SLIT3: variants seen among roughly 807,000 people sequenced by gnomAD.
The protein encoded by SLIT3 is slit homolog 3 protein.
A neutral mutation model predicts 184.0 loss-of-function variants in SLIT3; 68 were observed. The observed-to-expected ratio is 0.37, with a 90% CI of 0.30 to 0.45. The LOEUF (loss-of-function observed/expected upper bound fraction) is 0.45, where lower values mean the gene tolerates loss of function less well. Ranked by LOEUF, SLIT3 falls within the 20% of genes least tolerant of loss-of-function variation. The probability of loss-of-function intolerance (pLI) is 1.00; values close to 1 mark genes in which losing one functional copy is unlikely to be tolerated. For synonymous variants in SLIT3, 831 were observed against 828.6 expected (o/e 1.00, Z -0.05); for missense variants, 1,707 against 2,026.0 (o/e 0.84, Z 3.02).
intron 14 of SLIT3, chr5:168,768,077 T>C: frequency 5.1e-6 from 2 of 395,786 alleles, no homozygotes; most frequent in Non-Finnish European, 1.0e-5. Context: ...GTCTGGCAGG[T>C]GGTGGGCTGC....
rs760687339 is a variant in SLIT3 at position 169,051,132 on chromosome 5, G to T, written c.413+142347C>A. Among the ~76,000 whole-genome samples the T allele has an allele frequency of 3.5e-4, 54 of 152,172 alleles. 2 individuals are homozygous for T. The highest frequency in any genetic ancestry group is 7.3e-5 in the Non-Finnish European group (5 of 68,032). ...CTTGTTGTCAGAAGCAATAAAAGTA[G>T]ACTTTGTGGGTCCTTCAGAACCGGA... On this transcript the variant is annotated intron_variant, in intron 4 of 35. Transcript: ENST00000519560.
intron 4 of SLIT3, among the ~76,000 whole-genome samples, chr5:168,961,483 TAA>T (rs1236722924): frequency 4.6e-5 from 7 of 152,144 alleles, no homozygotes; most frequent in African/African-American, 1.7e-4. Context: ...TAACCAACAT[TAA>T]TAATACAAGC....
intron 20 of SLIT3, among the ~76,000 whole-genome samples, chr5:168,746,988 A>ATGTGTGG (rs1197654432): frequency 1.8e-5 from 1 of 56,780 alleles, no homozygotes; most frequent in Non-Finnish European, 3.6e-5. Context: ...GGTGGTGTGG[A>ATGTGTGG]TGTGTGGTGT....
intron 3 of SLIT3, among the ~76,000 whole-genome samples, chr5:169,215,717 A>G (rs1395195507): frequency 6.6e-6 from 1 of 152,228 alleles, no homozygotes; most frequent in Non-Finnish European, 1.5e-5. Context: ...GAGCTCCTAA[A>G]GATTTCCTGA....
At chr5:168,954,222 A>C (rs890008786) in intron 4 of SLIT3, among the ~76,000 whole-genome samples, 1 of 152,134 alleles carries the variant, frequency 6.6e-6, no homozygotes. Flanking sequence ...TTAGCGACAA[A>C]CTGGGAATAA....
In SLIT3 at chr5:168,753,863, C is replaced by T. The variant is rs1754801989; in HGVS notation, c.1829+1G>A. ...GCCCAGGCCCCACCCCAGGCACTCA[C>T]AAGGTTTTGAGGCCACTGAGGCCAC... On this transcript the variant is annotated splice_donor_variant, in intron 17 of 35. Transcript: ENST00000519560. LOFTEE classifies it high-confidence loss of function. 6.2e-7 allele frequency: 1 copy of T among 1,610,098 alleles called. No homozygotes were observed.
intron 4 of SLIT3, among the ~76,000 whole-genome samples, chr5:169,064,743 A>G (rs1758289916): frequency 6.6e-6 from 1 of 152,170 alleles, no homozygotes; most frequent in Non-Finnish European, 1.5e-5. Flanking sequence ...TTCCTTCAAT[A>G]TTGATTCAAT....
chr5:168,723,001 G>C lies in SLIT3; in HGVS notation c.2343C>G (p.Asp781Glu). The change falls in exon 22 of 36, where the codon GAC becomes GAG. Residue 781 changes from aspartate (D) to glutamate (E), a missense_variant. Transcript: ENST00000519560. Reference sequence around the variant, plus strand: ...GCATGCTGATGCTGTTGTTGCTCAGGTCACTAGGAAAAGTAAAACAGAGGG... The same window carrying C: ...GCATGCTGATGCTGTTGTTGCTCAGCTCACTAGGAAAAGTAAAACAGAGGG... ...LSALRHLTLIDLSNNSISMLT... is the reference protein window; with the variant it reads ...LSALRHLTLIELSNNSISMLT... 1 of 1,613,456 alleles carries C rather than the reference G, an allele frequency of 6.2e-7. No individual in the cohort carries two copies. The highest frequency in any genetic ancestry group is 8.5e-7 in the Non-Finnish European group (1 of 1,179,414).
At chr5:168,940,055 G>C (rs754337431) in intron 4 of SLIT3, among the ~76,000 whole-genome samples, 1 of 152,112 alleles carries the variant, frequency 6.6e-6, no homozygotes. Context: ...TAATACAGTC[G>C]GGGAGGATAA....
At chr5:168,946,396 G>C (rs981830376) in intron 4 of SLIT3, among the ~76,000 whole-genome samples, 4 of 152,206 alleles carry the variant, frequency 2.6e-5, no homozygotes, top group African/African-American at 9.7e-5. Flanking sequence ...CATTGGGCTG[G>C]AGACATTGGG....
rs552281527 is a variant in SLIT3 at position 169,112,559 on chromosome 5, G to A, written c.413+80920C>T. ...GGTCACTAATAGTGTGAGCTTGGGC[G>A]AGTGACTTTACCTCATTTTTGCCCC... On this transcript the variant is annotated intron_variant, in intron 4 of 35. Coordinates refer to ENST00000519560, the MANE Select transcript of SLIT3 (RefSeq NM_003062.4). Among the ~76,000 whole-genome samples the A allele has an allele frequency of 7.9e-5, 12 of 152,254 alleles. No homozygotes were observed. In the South Asian group the frequency reaches 1.5e-3, roughly 18 times the overall value.
chr5:168,819,512 C>A (rs962321090), intron 7 of SLIT3, among the ~76,000 whole-genome samples: 1 of 152,138 alleles, frequency 6.6e-6, no homozygotes, highest in Admixed American at 6.5e-5. Flanking sequence ...AAGGTGGTTG[C>A]CCTCTTGTGC....
intron 4 of SLIT3, among the ~76,000 whole-genome samples, chr5:169,033,470 G>T (rs1351890902): frequency 6.6e-6 from 1 of 152,118 alleles, no homozygotes; most frequent in African/African-American, 2.4e-5. Flanking sequence ...AAGAGAGATT[G>T]TTAGGTCATC....
intron 4 of SLIT3, among the ~76,000 whole-genome samples, chr5:168,987,943 C>T (rs1374547257): frequency 1.3e-5 from 2 of 152,214 alleles, no homozygotes; most frequent in African/African-American, 2.4e-5. Context: ...ACCACTGTGT[C>T]ACAGCTGAAG....
At chr5:169,166,560 A>G (rs1054296580) in intron 4 of SLIT3, among the ~76,000 whole-genome samples, 1 of 133,828 alleles carries the variant, frequency 7.5e-6, no homozygotes, top group African/African-American at 4.1e-5. Flanking sequence ...GTTTGTGGTT[A>G]GGTAAATTCA....
At chr5:169,017,742 C>T (rs1756445922) in intron 4 of SLIT3, 1 of 152,080 alleles carries the variant, frequency 6.6e-6, no homozygotes, top group South Asian at 2.1e-4. Context: ...AAGGAAGAAG[C>T]TTGTCAATAA....
chr5:168,845,624 GT>G (rs34481109), intron 5 of SLIT3, among the ~76,000 whole-genome samples: 16 of 148,710 alleles, frequency 1.1e-4, no homozygotes, highest in South Asian at 2.1e-4. Flanking sequence ...AGATACCAGG[GT>G]TTTTTTTTTC....
intron 4 of SLIT3, among the ~76,000 whole-genome samples, chr5:168,911,316 C>G (rs1283042215): frequency 1.3e-5 from 2 of 152,156 alleles, no homozygotes; most frequent in Non-Finnish European, 2.9e-5. Context: ...GCGTTCACCC[C>G]ACCCCACCCG....
chr5:168,822,969 C>G (rs182470173), intron 7 of SLIT3, among the ~76,000 whole-genome samples: 1 of 152,130 alleles, frequency 6.6e-6, no homozygotes, highest in Admixed American at 6.5e-5. Context: ...TCTATCAGGA[C>G]GGAAAACATG....
Sources: gnomAD v4.1 joint callset for allele counts (sites outside exome capture counted in the v4.1 genomes callset) on GRCh38, gnomAD v4.1.1 for gene constraint, MANE v1.5 for transcripts, NCBI Gene and HGNC (gene_info 2026-07-23, HGNC 2026-07-21) for gene names.